The following GRID2 variants were observed in gnomAD, a reference collection of about 807,000 sequenced individuals.
GRID2 encodes glutamate ionotropic receptor delta type subunit 2, also known as glutamate receptor ionotropic, delta-2.
Under a neutral mutation model 114.8 loss-of-function variants are expected in GRID2, and 33 were observed. The ratio of observed to expected loss-of-function variants is 0.29; its 90% CI spans 0.22 to 0.38. The LOEUF is 0.38. GRID2 is among the 10% of genes least tolerant of loss of function. GRID2 has a pLI of 1.00. For missense variants in GRID2, 1,184 were observed against 1,257.7 expected (o/e 0.94, Z 0.89); for synonymous variants, 505 against 449.9 (o/e 1.12, Z -1.55).
intron 2 of GRID2, among the ~76,000 whole-genome samples, chr4:92,704,770 T>G: frequency 9.9e-6 from 1 of 100,546 alleles, no homozygotes; most frequent in East Asian, 3.1e-4. Flanking sequence ...TCTCTGCCCC[T>G]CCCTCCCTCC....
intron 10 of GRID2, among the ~76,000 whole-genome samples, chr4:93,427,077 T>C (rs180976606): frequency 3.9e-5 from 6 of 152,140 alleles, no homozygotes; most frequent in African/African-American, 1.4e-4. Flanking sequence ...AAAATGACTA[T>C]CAAGTTAAGG....
In GRID2 at chr4:92,926,014, A is replaced by G. The variant is rs921992824; in HGVS notation, c.245-158981A>G. Among the ~76,000 whole-genome samples, 12 of 152,184 alleles carry G rather than the reference A, an allele frequency of 7.9e-5. No homozygotes were observed. In the South Asian group the frequency reaches 1.0e-3, roughly 13 times the overall value. ...TTCCAATTCTGTTTACTACAGAATT[A>G]AAGTTGCAACATCAACAGTTGTCTG... On this transcript the variant is annotated intron_variant, in intron 2 of 15. Coordinates refer to ENST00000282020, the MANE Select transcript of GRID2 (RefSeq NM_001510.4).
chr4:92,741,503 C>A (rs1366501064), intron 2 of GRID2, among the ~76,000 whole-genome samples: 1 of 152,122 alleles, frequency 6.6e-6, no homozygotes, highest in Non-Finnish European at 1.5e-5. Context: ...CCAAACTAAA[C>A]CCATGTTTGC....
intron 8 of GRID2, among the ~76,000 whole-genome samples, chr4:93,250,895 G>A (rs972936925): frequency 2.0e-5 from 3 of 151,814 alleles, no homozygotes; most frequent in Admixed American, 6.6e-5. Flanking sequence ...AAACATGGTT[G>A]TGAGTGGATA....
At chr4:93,650,764 T>C (rs1480549702) in intron 14 of GRID2, among the ~76,000 whole-genome samples, 7 of 152,168 alleles carry the variant, frequency 4.6e-5, no homozygotes, top group African/African-American at 1.7e-4. Context: ...AAAAAATAAA[T>C]GAGAAAATTA....
chr4:92,770,853 A>G (rs1738506852), intron 2 of GRID2, among the ~76,000 whole-genome samples: 1 of 152,044 alleles, frequency 6.6e-6, no homozygotes, highest in Admixed American at 6.6e-5. Flanking sequence ...ACACAGACAA[A>G]CCATATCCCC....
chr4:93,636,672 A>C (rs1250241827), intron 14 of GRID2, among the ~76,000 whole-genome samples: 1 of 152,200 alleles, frequency 6.6e-6, no homozygotes, highest in Non-Finnish European at 1.5e-5. Context: ...ATAGGTCCTT[A>C]AAATATTGTA....
intron 1 of GRID2, among the ~76,000 whole-genome samples, chr4:92,346,063 T>C (rs186439001): frequency 1.3e-5 from 2 of 152,198 alleles, no homozygotes; most frequent in Admixed American, 1.3e-4. Flanking sequence ...CACTACTGAT[T>C]GGGAAACTAC....
At chr4:93,118,261 A>G (rs1002936655) in intron 4 of GRID2, among the ~76,000 whole-genome samples, 4 of 151,986 alleles carry the variant, frequency 2.6e-5, no homozygotes, top group African/African-American at 9.7e-5. Flanking sequence ...TCCTTTTCTC[A>G]TGGTTGTTGG....
chr4:92,446,535 A>G (rs1337103576), intron 1 of GRID2, among the ~76,000 whole-genome samples: 1 of 152,192 alleles, frequency 6.6e-6, no homozygotes. Flanking sequence ...TGGATTCTTT[A>G]GAGGACCTAT....
intron 2 of GRID2, among the ~76,000 whole-genome samples, chr4:92,869,556 T>C (rs1745126574): frequency 6.6e-6 from 1 of 152,180 alleles, no homozygotes; most frequent in Non-Finnish European, 1.5e-5. Context: ...GATCTAACAT[T>C]CTTTTTTAAA....
At chr4:93,530,977 TA>T (rs1369986524) in intron 13 of GRID2, among the ~76,000 whole-genome samples, 6 of 152,140 alleles carry the variant, frequency 3.9e-5, no homozygotes, top group Non-Finnish European at 7.4e-5. Context: ...AAATAATTTA[TA>T]AGAACAGATT....
chr4:93,696,843 A>G (rs1280608332), intron 14 of GRID2, among the ~76,000 whole-genome samples: 1 of 152,158 alleles, frequency 6.6e-6, no homozygotes, highest in Non-Finnish European at 1.5e-5. Context: ...TACAGCATAT[A>G]TCAGACCCAG....
At chr4:92,458,972 G>A (rs1440830335) in intron 1 of GRID2, among the ~76,000 whole-genome samples, 3 of 152,120 alleles carry the variant, frequency 2.0e-5, no homozygotes, top group Non-Finnish European at 4.4e-5. Flanking sequence ...GTTGGTTTAA[G>A]TCCTATGGTC....
intron 13 of GRID2, among the ~76,000 whole-genome samples, chr4:93,561,887 C>A (rs115095202): frequency 0.011 from 1,607 of 152,126 alleles, 37 homozygotes; most frequent in African/African-American, 0.036. Flanking sequence ...GAATAATGTT[C>A]CATTATCTGG....
At chr4:92,953,394 T>C (rs1452408888) in intron 2 of GRID2, among the ~76,000 whole-genome samples, 1 of 152,228 alleles carries the variant, frequency 6.6e-6, no homozygotes, top group Non-Finnish European at 1.5e-5. Flanking sequence ...GATAGTCTAC[T>C]ATAAATGTTG....
At chr4:92,451,273 C>A (rs1720908391) in intron 1 of GRID2, among the ~76,000 whole-genome samples, 2 of 152,164 alleles carry the variant, frequency 1.3e-5, no homozygotes, top group South Asian at 2.1e-4. Context: ...CTGGGTGGAA[C>A]ATGAAAGCCG....
At chr4:93,560,096 G>T (rs959331842) in intron 13 of GRID2, among the ~76,000 whole-genome samples, 3 of 151,764 alleles carry the variant, frequency 2.0e-5, no homozygotes, top group African/African-American at 7.3e-5. Context: ...GGGGCTAGGG[G>T]ATGGATAGCA....
chr4:93,756,789 T>A (rs1009806893), intron 14 of GRID2, among the ~76,000 whole-genome samples: 6 of 152,180 alleles, frequency 3.9e-5, no homozygotes, highest in Non-Finnish European at 8.8e-5. Context: ...CCATGACAAA[T>A]CAAGTTAACA....
Sources: allele counts gnomAD v4.1 joint callset (sites outside exome capture counted in the v4.1 genomes callset), GRCh38; gene constraint gnomAD v4.1.1; transcripts MANE v1.5; gene names NCBI Gene and HGNC (gene_info 2026-07-23, HGNC 2026-07-21).